Variants in KATNAL2 observed in about 807,000 individuals in gnomAD.
KATNAL2 encodes katanin catalytic subunit A1 like 2.
In KATNAL2, 52 loss-of-function variants were observed where a neutral mutation model predicts 76.3. That is an observed-to-expected ratio of 0.68 (90% CI 0.55 to 0.86). KATNAL2 has a LOEUF of 0.86. Ranked by LOEUF, KATNAL2 falls within the 40% of genes least tolerant of loss-of-function variation. The probability of loss-of-function intolerance (pLI) is 0.00; values close to 1 mark genes in which losing one functional copy is unlikely to be tolerated. For synonymous variants in KATNAL2, 243 were observed against 244.2 expected (o/e 1.00, Z 0.05); for missense variants, 660 against 668.9 (o/e 0.99, Z 0.15).
At chr18:47,055,867 C>G (rs1378376658) in intron 6 of KATNAL2, among the ~76,000 whole-genome samples, 1 of 152,150 alleles carries the variant, frequency 6.6e-6, no homozygotes, top group African/African-American at 2.4e-5. Flanking sequence ...GTGGGGGCTC[C>G]TCAGCTCCTC....
intron 1 of KATNAL2, among the ~76,000 whole-genome samples, chr18:46,944,952 A>G (rs760467148): frequency 6.6e-6 from 1 of 152,150 alleles, no homozygotes; most frequent in Non-Finnish European, 1.5e-5. Flanking sequence ...AAATAAATAA[A>G]GTATACAGGA....
At chr18:47,045,168 T>TA (rs1007188228) in intron 3 of KATNAL2, among the ~76,000 whole-genome samples, 11 of 152,052 alleles carry the variant, frequency 7.2e-5, no homozygotes, top group Non-Finnish European at 1.3e-4. Context: ...TTTACCACAA[T>TA]AAAAAAGCAA....
chr18:46,926,887 A>G (rs2058744283), intron 1 of KATNAL2, among the ~76,000 whole-genome samples: 1 of 152,080 alleles, frequency 6.6e-6, no homozygotes, highest in African/African-American at 2.4e-5. Flanking sequence ...AGTTTGTTTT[A>G]TCAGAGACTA....
chr18:46,958,534 T>G (rs1055062141), intron 3 of KATNAL2, among the ~76,000 whole-genome samples: 2 of 152,232 alleles, frequency 1.3e-5, no homozygotes, highest in Non-Finnish European at 2.9e-5. Flanking sequence ...GAGCTGTGAC[T>G]AACACAGATT....
Position 47,100,921 on chromosome 18 carries a change from G to C in KATNAL2, c.1533G>C (p.Leu511=). The part of the protein sequence containing the change: ...QLDIVTTADF[L]DVLTHTKPSA... ...ATATAGTAACCACTGCCGACTTTCT[G>C]GATGTGCTAACTCACACCAAGCCCT... The change falls in exon 18 of 18, where the codon CTG becomes CTC. Residue 511 remains leucine, a synonymous_variant. Coordinates refer to ENST00000683218, the MANE Select transcript of KATNAL2 (RefSeq NM_001387690.1). 1 of 1,614,058 alleles carries C rather than the reference G, an allele frequency of 6.2e-7. No homozygotes were observed. The highest frequency in any genetic ancestry group is 2.2e-5 in the East Asian group (1 of 44,868).
chr18:47,052,180 C>T (rs1253120471), intron 4 of KATNAL2, among the ~76,000 whole-genome samples: 1 of 152,180 alleles, frequency 6.6e-6, no homozygotes, highest in Non-Finnish European at 1.5e-5. Context: ...GCCCTTGCTT[C>T]CAGTGCTAAG....
At position 47,075,181 on chromosome 18, in the gene KATNAL2, G is replaced by A. The variant is rs2062155453; in HGVS notation, c.1009-96G>A. The A allele has an allele frequency of 4.4e-6, 4 of 899,112 alleles. No individual in the cohort carries two copies. In the South Asian group the frequency reaches 8.3e-5, roughly 19 times the overall value. The allele number at this position is 899,112 out of a possible 1,614,324, so 55.7% of individuals were successfully genotyped here. ...TGAAATAACAGAGTGCAGCATAAATGCTTATTATTACAGTCATTCTAAGTT... is the reference window on the plus strand; with the variant it reads ...TGAAATAACAGAGTGCAGCATAAATACTTATTATTACAGTCATTCTAAGTT... On this transcript the variant is annotated intron_variant, in intron 13 of 17. Coordinates refer to ENST00000683218, the MANE Select transcript of KATNAL2 (RefSeq NM_001387690.1).
rs1330884972 is a variant in KATNAL2, at chr18:46,917,619, C to A, written c.-817C>A. 90 of 920,798 alleles carry A rather than the reference C, an allele frequency of 9.8e-5. No individual in the cohort carries two copies. Among genetic ancestry groups the A allele is most frequent in the Admixed American group, 1.2e-4 (2 of 16,936 alleles). The allele number at this position is 920,798 out of a possible 1,614,324, so 57.0% of individuals were successfully genotyped here. A position where few individuals can be genotyped will look rare whatever the true frequency, so the allele number is the denominator to read the frequency against. ...GCGCCTTCAGTCCGCGCGGCGACAG[C>A]GCCCGCCCGCGCCTGCCCCGGCGTG... On this transcript the variant is annotated 5_prime_UTR_variant, in exon 1 of 18. Coordinates refer to ENST00000683218, the MANE Select transcript of KATNAL2 (RefSeq NM_001387690.1).
chr18:46,941,104 A>G (rs745925720), intron 1 of KATNAL2, among the ~76,000 whole-genome samples: 46 of 152,324 alleles, frequency 3.0e-4, no homozygotes, highest in Admixed American at 1.4e-3. Context: ...CGGGTGGATT[A>G]CCTGGGGTGA....
At chr18:47,050,445 A>AT (rs1033827678) in intron 4 of KATNAL2, among the ~76,000 whole-genome samples, 3 of 152,226 alleles carry the variant, frequency 2.0e-5, no homozygotes, top group East Asian at 3.8e-4. Context: ...ATTACAATGT[A>AT]TTTTTTGTTC....
At chr18:47,033,645 A>C (rs768926431) in intron 3 of KATNAL2, 3 of 1,614,178 alleles carry the variant, frequency 1.9e-6, no homozygotes, top group Non-Finnish European at 1.7e-6. Flanking sequence ...GGGCGTCCGG[A>C]TTGTTTCTAA....
intron 15 of KATNAL2, among the ~76,000 whole-genome samples, chr18:47,093,816 GTCTT>G (rs1393621546): frequency 6.6e-6 from 1 of 152,160 alleles, no homozygotes. Flanking sequence ...GGCCTTGTGT[GTCTT>G]TCTTGTCCTA....
At chr18:47,077,096 T>TATA (rs1384594114) in intron 14 of KATNAL2, among the ~76,000 whole-genome samples, 4 of 152,220 alleles carry the variant, frequency 2.6e-5, no homozygotes, top group African/African-American at 9.6e-5. Context: ...ACCCTTTAGT[T>TATA]ATTTTCTCCA....
intron 7 of KATNAL2, 147 bp from the exon 8 acceptor site, chr18:47,059,409 T>A: frequency 1.5e-6 from 1 of 651,880 alleles, no homozygotes. Flanking sequence ...TTCCTGGGTC[T>A]GCACAAATGT....
intron 8 of KATNAL2, among the ~76,000 whole-genome samples, chr18:47,060,155 T>C (rs1273995551): frequency 6.6e-6 from 1 of 151,932 alleles, no homozygotes; most frequent in Non-Finnish European, 1.5e-5. Flanking sequence ...CACCACAACA[T>C]CCAGCTAATT....
intron 15 of KATNAL2, among the ~76,000 whole-genome samples, chr18:47,087,086 T>C (rs1054312491): frequency 5.9e-5 from 9 of 152,256 alleles, no homozygotes; most frequent in Non-Finnish European, 1.0e-4. Context: ...CATCTTTGTA[T>C]CTACCTTTCT....
intron 1 of KATNAL2, among the ~76,000 whole-genome samples, chr18:46,922,921 A>G (rs531876325): frequency 1.4e-5 from 2 of 148,116 alleles, no homozygotes; most frequent in Admixed American, 6.8e-5. Flanking sequence ...TTAATATATA[A>G]TATTATATAT....
At chr18:47,065,424 A>G (rs975219954) in intron 10 of KATNAL2, among the ~76,000 whole-genome samples, 1 of 137,790 alleles carries the variant, frequency 7.3e-6, no homozygotes, top group Non-Finnish European at 1.5e-5. Flanking sequence ...GAGTATGCAC[A>G]GATTTTGGTA....
At chr18:47,033,559 C>G (rs202109165) in intron 3 of KATNAL2, 1 of 1,614,152 alleles carries the variant, frequency 6.2e-7, no homozygotes, top group Non-Finnish European at 8.5e-7. Context: ...TTTCTTTCTG[C>G]GATACAGCTG....
Sources: gnomAD v4.1 joint callset for allele counts (sites outside exome capture counted in the v4.1 genomes callset) on GRCh38, gnomAD v4.1.1 for gene constraint, MANE v1.5 for transcripts, NCBI Gene and HGNC (gene_info 2026-07-23, HGNC 2026-07-21) for gene names.